Variants in NSG2 observed in about 807,000 individuals in gnomAD.
NSG2 encodes neuronal vesicle trafficking-associated protein 2.
A neutral mutation model predicts 16.9 loss-of-function variants in NSG2; 4 were observed. The observed-to-expected ratio is 0.24, with a 90% confidence interval of 0.12 to 0.54. The LOEUF is 0.54. Ranked by LOEUF, NSG2 falls within the 20% of genes least tolerant of loss-of-function variation. NSG2 has a pLI of 0.95. For synonymous variants in NSG2, 98 were observed against 88.7 expected (o/e 1.11, Z -0.59); for missense variants, 179 against 221.1 (o/e 0.81, Z 1.21).
intron 3 of NSG2, among the ~76,000 whole-genome samples, chr5:174,097,990 C>A (rs551670928): frequency 6.6e-5 from 10 of 152,194 alleles, no homozygotes; most frequent in African/African-American, 1.9e-4. Flanking sequence ...GACTCGCTTG[C>A]TGCCCGAGGC....
At chr5:174,057,577 T>C (rs1759985337) in intron 2 of NSG2, among the ~76,000 whole-genome samples, 1 of 152,220 alleles carries the variant, frequency 6.6e-6, no homozygotes, top group Non-Finnish European at 1.5e-5. Flanking sequence ...CCCCATGCAG[T>C]GTACCTTCAC....
At chr5:174,050,419 A>C (rs1263424155) in intron 2 of NSG2, among the ~76,000 whole-genome samples, 1 of 152,146 alleles carries the variant, frequency 6.6e-6, no homozygotes, top group Non-Finnish European at 1.5e-5. Context: ...TATGCAGGGC[A>C]TTCAGGTTAT....
chr5:174,096,166 G>A (rs1026623916), intron 3 of NSG2, among the ~76,000 whole-genome samples: 14 of 152,244 alleles, frequency 9.2e-5, no homozygotes, highest in African/African-American at 3.1e-4. Flanking sequence ...GGCACAATCA[G>A]TGCCTAGTAA....
chr5:174,074,530 C>A (rs1334928814), intron 3 of NSG2, among the ~76,000 whole-genome samples: 1 of 152,110 alleles, frequency 6.6e-6, no homozygotes, highest in African/African-American at 2.4e-5. Context: ...TGTCCCACCC[C>A]TTCACGCAAT....
intron 1 of NSG2, among the ~76,000 whole-genome samples, chr5:174,046,434 G>A (rs1013056626): frequency 2.0e-5 from 3 of 152,096 alleles, no homozygotes; most frequent in African/African-American, 4.8e-5. Flanking sequence ...TTTAGCTCTA[G>A]TGTCTTGGGT....
intron 2 of NSG2, among the ~76,000 whole-genome samples, chr5:174,061,134 TAC>T (rs57892892): frequency 2.0e-5 from 3 of 151,556 alleles, no homozygotes; most frequent in African/African-American, 4.9e-5. Context: ...ATGTATATAT[TAC>T]ACACACACAC....
intron 3 of NSG2, among the ~76,000 whole-genome samples, chr5:174,093,440 G>C (rs1357523859): frequency 6.6e-6 from 1 of 152,222 alleles, no homozygotes; most frequent in Non-Finnish European, 1.5e-5. Flanking sequence ...AACTTTCCCA[G>C]GTTCATTGGT....
rs374871767 is a variant in NSG2 at position 174,046,910 on chromosome 5, C to T, written c.129+26C>T. On this transcript the variant is annotated intron_variant, in intron 2 of 4. Transcript: ENST00000303177. ...GTAAAGCATGTCCTCTTGCTCTCAT[C>T]AGCCCCCAGGCTCCCCCCATCTCAG... The T allele has an allele frequency of 1.9e-6, 3 of 1,611,802 alleles. No individual in the cohort carries two copies. The African/African-American group carries it at 4.0e-5, about 22-fold the overall frequency.
At chr5:174,087,126 G>A (rs938772733) in intron 3 of NSG2, among the ~76,000 whole-genome samples, 2 of 152,106 alleles carry the variant, frequency 1.3e-5, no homozygotes, top group Admixed American at 1.3e-4. Context: ...CTTTCAAAAG[G>A]CAATTTACTT....
intron 2 of NSG2, chr5:174,056,087 C>T (rs1281262500): frequency 6.6e-6 from 1 of 152,230 alleles, no homozygotes; most frequent in Non-Finnish European, 1.5e-5. Context: ...TATTTGTTCA[C>T]TGATTCATTC....
chr5:174,046,576 G>C (rs1183892988), intron 1 of NSG2, 158 bp from the exon 2 acceptor site: 16 of 610,820 alleles, frequency 2.6e-5, no homozygotes, highest in Non-Finnish European at 4.2e-5. Flanking sequence ...TTGGACAATG[G>C]GAATCATGTC....
chr5:174,060,649 G>C (rs1448857641), intron 2 of NSG2, among the ~76,000 whole-genome samples: 1 of 152,056 alleles, frequency 6.6e-6, no homozygotes, highest in Non-Finnish European at 1.5e-5. Context: ...CTGCACCAGG[G>C]TCTCATGAGC....
chr5:174,071,930 C>G (rs1202584617), intron 3 of NSG2, among the ~76,000 whole-genome samples: 1 of 152,132 alleles, frequency 6.6e-6, no homozygotes, highest in Non-Finnish European at 1.5e-5. Context: ...TTCTCCTTTC[C>G]TTTTATAATC....
intron 3 of NSG2, among the ~76,000 whole-genome samples, chr5:174,095,159 G>A (rs1760777035): frequency 6.6e-6 from 1 of 152,170 alleles, no homozygotes; most frequent in Non-Finnish European, 1.5e-5. Context: ...AGTGGTTGGA[G>A]CTTTTGAAGT....
chr5:174,053,019 T>C (rs1475036308), intron 2 of NSG2, among the ~76,000 whole-genome samples: 1 of 152,214 alleles, frequency 6.6e-6, no homozygotes, highest in Non-Finnish European at 1.5e-5. Flanking sequence ...ATTTAGAAAC[T>C]AATGACTAAT....
chr5:174,098,334 G>T (rs1288760761), intron 3 of NSG2, among the ~76,000 whole-genome samples: 1 of 152,172 alleles, frequency 6.6e-6, no homozygotes, highest in African/African-American at 2.4e-5. Context: ...CACCAGGGCT[G>T]CCTCTGTGGG....
At chr5:174,093,528 G>T (rs1760751454) in intron 3 of NSG2, among the ~76,000 whole-genome samples, 1 of 152,152 alleles carries the variant, frequency 6.6e-6, no homozygotes, top group Non-Finnish European at 1.5e-5. Flanking sequence ...TTGGTACTAG[G>T]GGAAGGGCTA....
chr5:174,070,504 T>C (rs947186733), intron 3 of NSG2, among the ~76,000 whole-genome samples: 5 of 152,206 alleles, frequency 3.3e-5, no homozygotes, highest in Non-Finnish European at 5.9e-5. Flanking sequence ...CCTTCTTTCC[T>C]TCCTTCTTGG....
In NSG2 at chr5:174,046,743, G is replaced by T. The variant is rs745860403; in HGVS notation, c.-13G>T. The T allele has an allele frequency of 1.9e-6, 3 of 1,613,948 alleles. No homozygotes were observed. Among genetic ancestry groups the T allele is most frequent in the Non-Finnish European group, 1.7e-6 (2 of 1,180,000 alleles). On this transcript the variant is annotated 5_prime_UTR_variant, in exon 2 of 5. Coordinates refer to ENST00000303177, the MANE Select transcript of NSG2 (RefSeq NM_015980.5). ...CCACTGCTTGCCTTAGGTCTGGGAA[G>T]AAAGGCGTAAGGATGGTGAAGCTGA...
Sources: allele counts gnomAD v4.1 joint callset (sites outside exome capture counted in the v4.1 genomes callset), GRCh38; gene constraint gnomAD v4.1.1; transcripts MANE v1.5; gene names NCBI Gene and HGNC (gene_info 2026-07-23, HGNC 2026-07-21).